TPH2: variants seen among roughly 807,000 people sequenced by gnomAD.
The protein encoded by TPH2 is tryptophan hydroxylase 2.
In TPH2, 27 loss-of-function variants were observed where a neutral mutation model predicts 59.1. That is an observed-to-expected ratio of 0.46 (90% confidence interval 0.34 to 0.63). The LOEUF is 0.63. Ranked by LOEUF, TPH2 falls within the 30% of genes least tolerant of loss-of-function variation. The pLI, the probability that TPH2 is intolerant of heterozygous loss-of-function variation, is 0.01. For synonymous variants in TPH2, 220 were observed against 210.5 expected, an observed-to-expected ratio of 1.05 and a Z score of -0.39; for missense variants, 523 against 588.3, an observed-to-expected ratio of 0.89 and a Z score of 1.15.
chr12:71,948,434 C>A (rs780395634), intron 4 of TPH2, among the ~76,000 whole-genome samples: 15 of 152,142 alleles, frequency 9.9e-5, no homozygotes, highest in Non-Finnish European at 1.9e-4. Flanking sequence ...AGGTTGTTGA[C>A]AATGGAAGTT....
chr12:72,026,656 G>T (rs1873575821), intron 9 of TPH2, among the ~76,000 whole-genome samples: 1 of 152,136 alleles, frequency 6.6e-6, no homozygotes, highest in South Asian at 2.1e-4. Context: ...GAAGTTAGTG[G>T]TGTTGGTAAT....
chr12:71,953,930 T>C lies in TPH2; in HGVS notation c.608+4275T>C, dbSNP rs11179006. 3.2e-4 allele frequency among the ~76,000 whole-genome samples: 49 copies of C among 152,218 alleles called. 1 individual carries two copies. Among genetic ancestry groups the C allele is most frequent in the Admixed American group, 5.9e-4 (9 of 15,284 alleles). ...GTAATAGGGGTTAGCAGGATATAGT[T>C]TGAGTTGTCTAAAGGTAAGGAGAAG... On this transcript the variant is annotated intron_variant, in intron 5 of 10. Coordinates refer to ENST00000333850, the MANE Select transcript of TPH2 (RefSeq NM_173353.4).
At chr12:71,997,268 C>A (rs1445625446) in intron 8 of TPH2, among the ~76,000 whole-genome samples, 1 of 152,172 alleles carries the variant, frequency 6.6e-6, no homozygotes, top group Non-Finnish European at 1.5e-5. Flanking sequence ...CTTCTAACGG[C>A]TTCTATGATT....
At position 72,002,416 on chromosome 12, in the gene TPH2, C is replaced by T. The variant is rs527701520; in HGVS notation, c.1068+7851C>T. 7.2e-5 allele frequency among the ~76,000 whole-genome samples: 11 copies of T among 152,072 alleles called. No individual in the cohort carries two copies. In the East Asian group the frequency reaches 1.4e-3, roughly 19 times the overall value. On this transcript the variant is annotated intron_variant, in intron 8 of 10. Transcript: ENST00000333850. ...GAAAATGAGAATACACTGTAGTAAT[C>T]GTAAATTAGAAATTGGTTTTTTATC...
At position 71,964,690 on chromosome 12, in the gene TPH2, G is replaced by A. The variant is rs1871767244; in HGVS notation, c.609-7829G>A. 4 of 985,198 alleles carry A rather than the reference G, an allele frequency of 4.1e-6. No individual in the cohort carries two copies. The South Asian group carries it at 1.4e-4, about 35-fold the overall frequency. The allele number at this position is 985,198 out of a possible 1,614,324, so 61.0% of individuals were successfully genotyped here. On this transcript the variant is annotated intron_variant, in intron 5 of 10. Coordinates refer to ENST00000333850, the MANE Select transcript of TPH2 (RefSeq NM_173353.4). ...AAATGAGAGTCATCAATTACTGATT[G>A]AAATTTCTACACACCTGGTGTGACA... is the stretch of plus-strand genomic sequence containing the variant.
At chr12:72,006,440 G>A (rs1158858296) in intron 8 of TPH2, among the ~76,000 whole-genome samples, 1 of 152,088 alleles carries the variant, frequency 6.6e-6, no homozygotes, top group African/African-American at 2.4e-5. Flanking sequence ...AACCTCAGGG[G>A]CAAGGGAGGA....
intron 6 of TPH2, among the ~76,000 whole-genome samples, chr12:71,976,857 G>A (rs1183967293): frequency 6.6e-6 from 1 of 152,168 alleles, no homozygotes; most frequent in Non-Finnish European, 1.5e-5. Flanking sequence ...AGGACGTTAT[G>A]CTAAATGAAA....
chr12:71,947,380 G>A (rs1377687177), intron 4 of TPH2, among the ~76,000 whole-genome samples: 3 of 151,696 alleles, frequency 2.0e-5, no homozygotes, highest in African/African-American at 7.3e-5. Flanking sequence ...TAGAGTTCAG[G>A]CTGGGTCTTC....
chr12:71,980,194 G>A (rs1872235678), intron 7 of TPH2, among the ~76,000 whole-genome samples: 1 of 152,148 alleles, frequency 6.6e-6, no homozygotes, highest in African/African-American at 2.4e-5. Context: ...CCCTGAGGCT[G>A]GGAGCTCTGG....
intron 8 of TPH2, among the ~76,000 whole-genome samples, chr12:71,996,134 G>A (rs1872688273): frequency 6.6e-6 from 1 of 152,234 alleles, no homozygotes; most frequent in Non-Finnish European, 1.5e-5. Context: ...TTGTCTGAAG[G>A]TTTGGGAATT....
At chr12:71,997,573 C>G (rs563455627) in intron 8 of TPH2, among the ~76,000 whole-genome samples, 21 of 152,182 alleles carry the variant, frequency 1.4e-4, no homozygotes, top group African/African-American at 4.8e-4. Flanking sequence ...TGAGCTCCAA[C>G]AGCTAAAAAC....
Position 71,939,096 on chromosome 12 carries a change from G to C in TPH2, c.105+5G>C, listed in dbSNP as rs377181598. ...CAGCTACTTGGCAGCTCAACAGTGA[G>C]TACTACGTACCTGGCACTATGGAGA... On this transcript the variant is annotated splice_donor_5th_base_variant and intron_variant, in intron 1 of 10. Coordinates refer to ENST00000333850, the MANE Select transcript of TPH2 (RefSeq NM_173353.4). 4 of 1,607,186 alleles carry C rather than the reference G, an allele frequency of 2.5e-6. No homozygotes were observed. The highest frequency in any genetic ancestry group is 3.4e-6 in the Non-Finnish European group (4 of 1,174,192).
chr12:71,939,188 C>T, intron 1 of TPH2, 97 bp downstream of exon 1: 2 of 898,140 alleles, frequency 2.2e-6, no homozygotes, highest in African/African-American at 3.3e-5. Context: ...TAAGCACGCA[C>T]ACCTCAAATT....
At chr12:72,031,164 T>C (rs1873711341) in intron 9 of TPH2, 94 bp from the exon 10 acceptor site, 4 of 1,527,540 alleles carry the variant, frequency 2.6e-6, no homozygotes, top group East Asian at 2.2e-5. Context: ...TCTGTAGGAT[T>C]ACCGAGCTAT....
intron 8 of TPH2, among the ~76,000 whole-genome samples, chr12:72,009,938 C>A (rs1021229109): frequency 1.3e-5 from 2 of 152,238 alleles, no homozygotes; most frequent in African/African-American, 4.8e-5. Flanking sequence ...TGATTCCAAT[C>A]TACTTCTATT....
chr12:71,973,554 T>C (rs1320083447), intron 6 of TPH2, among the ~76,000 whole-genome samples: 1 of 152,190 alleles, frequency 6.6e-6, no homozygotes, highest in Non-Finnish European at 1.5e-5. Flanking sequence ...AGAAAACTCA[T>C]GAATAATCCA....
rs776332621 is a variant in TPH2 at position 71,978,981 on chromosome 12, G to A, written c.835G>A (p.Ala279Thr). The A allele has an allele frequency of 1.9e-6, 3 of 1,614,050 alleles. No individual in the cohort carries two copies. Among genetic ancestry groups the A allele is most frequent in the South Asian group, 1.1e-5 (1 of 91,058 alleles). The change falls in exon 7 of 11, where the codon GCT becomes ACT. Residue 279 changes from alanine to threonine, a missense_variant. Ala to Thr is a moderately conservative substitution (Grantham distance 58, BLOSUM62 0). Coordinates refer to ENST00000333850, the MANE Select transcript of TPH2 (RefSeq NM_173353.4). Reference protein sequence around the residue: ...ERSGFTVRPVAGYLSPRDFLA... With the variant: ...ERSGFTVRPVTGYLSPRDFLA... ...GTCTGGCTTCACGGTGAGGCCGGTG[G>A]CTGGATACCTGAGCCCACGAGACTT...
intron 5 of TPH2, among the ~76,000 whole-genome samples, chr12:71,958,701 TG>T (rs745505102): frequency 3.9e-5 from 6 of 152,222 alleles, no homozygotes; most frequent in African/African-American, 7.2e-5. Flanking sequence ...AGATACAGAA[TG>T]AATGGAAATA....
At chr12:71,941,518 C>A in intron 1 of TPH2, 66 bp from the exon 2 acceptor site, 4 of 1,554,184 alleles carry the variant, frequency 2.6e-6, no homozygotes, top group Non-Finnish European at 3.5e-6. Flanking sequence ...TGGGAAAAAT[C>A]TAATTACGGA....
Sources: allele counts gnomAD v4.1 joint callset (sites outside exome capture counted in the v4.1 genomes callset), GRCh38; gene constraint gnomAD v4.1.1; transcripts MANE v1.5; gene names NCBI Gene and HGNC (gene_info 2026-07-23, HGNC 2026-07-21).